LARGE1: variants seen among roughly 807,000 people sequenced by gnomAD.
LARGE1 encodes xylosyl- and glucuronyltransferase LARGE1.
Under a neutral mutation model 87.6 loss-of-function variants are expected in LARGE1, and 43 were observed. The observed-to-expected ratio is 0.49, with a 90% CI of 0.38 to 0.63. LARGE1 has a LOEUF of 0.63. Ranked by LOEUF, LARGE1 falls within the 30% of genes least tolerant of loss-of-function variation. The probability of loss-of-function intolerance (pLI) is 0.00; values close to 1 mark genes in which losing one functional copy is unlikely to be tolerated. For synonymous variants in LARGE1, 434 were observed against 394.6 expected (o/e 1.10, Z -1.18); for missense variants, 802 against 1,000.2 (o/e 0.80, Z 2.67).
chr22:33,073,059 A>T, the LARGE1 span, among the ~76,000 whole-genome samples: 10 of 152,202 alleles, frequency 6.6e-5, no homozygotes, highest in Non-Finnish European at 1.3e-4. Context: ...TGATGGGAAC[A>T]TCATGTCAAC....
chr22:33,878,625 C>T (rs528493126), intron 1 of LARGE1, among the ~76,000 whole-genome samples: 2 of 152,242 alleles, frequency 1.3e-5, no homozygotes, highest in South Asian at 2.1e-4. Flanking sequence ...TGAGGTCAAG[C>T]GGCTAACAAA....
chr22:33,871,982 C>CAAAAAAAAAAAAAAAAAAAAA (rs58105742), intron 1 of LARGE1, among the ~76,000 whole-genome samples: 1 of 86,814 alleles, frequency 1.2e-5, no homozygotes, highest in Non-Finnish European at 2.4e-5. Context: ...TCTAAATCAG[C>CAAAAAAAAAAAAAAAAAAAAA]AAAAAAAAAA....
At chr22:33,817,496 G>T (rs1208179163) in intron 1 of LARGE1, among the ~76,000 whole-genome samples, 1 of 151,930 alleles carries the variant, frequency 6.6e-6, no homozygotes, top group Non-Finnish European at 1.5e-5. Context: ...AACCTTCATG[G>T]CTGCATACCC....
At chr22:33,255,810 T>G (rs1322655878) in intron 11 of LARGE1, among the ~76,000 whole-genome samples, 1 of 152,228 alleles carries the variant, frequency 6.6e-6, no homozygotes, top group Non-Finnish European at 1.5e-5. Flanking sequence ...TAGGAATGTT[T>G]TAAATCATAT....
chr22:33,751,440 G>C (rs1444920494), intron 2 of LARGE1, among the ~76,000 whole-genome samples: 1 of 151,368 alleles, frequency 6.6e-6, no homozygotes, highest in East Asian at 1.9e-4. Context: ...AGCAAAGATT[G>C]TGCCACTGCG....
chr22:33,243,690 C>T (rs1926623845), intron 11 of LARGE1, among the ~76,000 whole-genome samples: 1 of 152,186 alleles, frequency 6.6e-6, no homozygotes, highest in South Asian at 2.1e-4. Context: ...CTTTCCTGAA[C>T]AGGCCTTCTA....
At chr22:33,458,103 T>C (rs575231679) in intron 6 of LARGE1, among the ~76,000 whole-genome samples, 2 of 151,158 alleles carry the variant, frequency 1.3e-5, no homozygotes, top group East Asian at 3.9e-4. Context: ...AAATGTCTAA[T>C]TTTTTTCTTT....
intron 7 of LARGE1, among the ~76,000 whole-genome samples, chr22:33,412,386 G>C (rs1601749476): frequency 6.6e-6 from 1 of 152,024 alleles, no homozygotes; most frequent in Admixed American, 6.6e-5. Context: ...CCTGATGGTA[G>C]TGTTTTCCCA....
At chr22:33,822,202 C>T (rs2086847106) in intron 1 of LARGE1, among the ~76,000 whole-genome samples, 1 of 152,184 alleles carries the variant, frequency 6.6e-6, no homozygotes, top group African/African-American at 2.4e-5. Flanking sequence ...TCTGGACAAT[C>T]AGCCCTACCC....
At chr22:33,805,551 T>C (rs11912301) in intron 1 of LARGE1, among the ~76,000 whole-genome samples, 4,322 of 152,036 alleles carry the variant, frequency 0.028, 84 homozygotes, top group Middle Eastern at 0.054. Context: ...CTGGCCAACA[T>C]GGTGAAACCC....
At chr22:33,335,992 C>T (rs1033068901) in intron 10 of LARGE1, among the ~76,000 whole-genome samples, 4 of 152,138 alleles carry the variant, frequency 2.6e-5, no homozygotes, top group South Asian at 2.1e-4. Context: ...TTTTCATCTA[C>T]GAATACTTAG....
chr22:33,601,445 T>C (rs1045908423), intron 5 of LARGE1, among the ~76,000 whole-genome samples: 1 of 151,956 alleles, frequency 6.6e-6, no homozygotes, highest in African/African-American at 2.4e-5. Context: ...GCTGGTGGAG[T>C]AGGCAGATCA....
intron 7 of LARGE1, among the ~76,000 whole-genome samples, chr22:33,405,796 A>G (rs1325485302): frequency 6.6e-6 from 1 of 152,210 alleles, no homozygotes; most frequent in East Asian, 1.9e-4. Context: ...ACGAAAAGTC[A>G]GTGGTGATTT....
intron 1 of LARGE1, among the ~76,000 whole-genome samples, chr22:33,798,278 G>T (rs931363795): frequency 6.6e-6 from 1 of 151,220 alleles, no homozygotes; most frequent in East Asian, 1.9e-4. Context: ...AGACAAGAGC[G>T]AAACTCTGTC....
intron 12 of LARGE1, among the ~76,000 whole-genome samples, chr22:33,297,609 CAA>C (rs201010972): frequency 3.3e-4 from 21 of 62,806 alleles, no homozygotes; most frequent in Non-Finnish European, 2.3e-4. Flanking sequence ...GACTCCGTCT[CAA>C]AAAAAAAAAA....
intron 6 of LARGE1, among the ~76,000 whole-genome samples, chr22:33,477,295 T>C (rs2069121034): frequency 6.6e-6 from 1 of 152,018 alleles, no homozygotes; most frequent in African/African-American, 2.4e-5. Flanking sequence ...AAGAAAGGGT[T>C]TGCTGTCAGT....
chr22:33,203,361 G>A (rs573963060), intron 11 of LARGE1, among the ~76,000 whole-genome samples: 46 of 152,272 alleles, frequency 3.0e-4, no homozygotes, highest in African/African-American at 9.6e-4. Flanking sequence ...GGAGAATGCC[G>A]GGAACCAGGC....
intron 1 of LARGE1, among the ~76,000 whole-genome samples, chr22:33,907,268 A>G (rs1437067519): frequency 2.6e-5 from 4 of 152,124 alleles, no homozygotes; most frequent in African/African-American, 9.7e-5. Flanking sequence ...TGCCATAAAA[A>G]CCCAAATGGA....
At chr22:33,502,638 G>C (rs191465739) in intron 6 of LARGE1, among the ~76,000 whole-genome samples, 1 of 151,770 alleles carries the variant, frequency 6.6e-6, no homozygotes, top group Non-Finnish European at 1.5e-5. Context: ...GCGTGATCTC[G>C]GCTCACTGCA....
Sources: allele counts gnomAD v4.1 joint callset (sites outside exome capture counted in the v4.1 genomes callset), GRCh38; gene constraint gnomAD v4.1.1; transcripts MANE v1.5; gene names NCBI Gene and HGNC (gene_info 2026-07-23, HGNC 2026-07-21).